The following MGAT4C variants were observed in gnomAD, a reference collection of about 807,000 sequenced individuals.
The protein encoded by MGAT4C is alpha-1,3-mannosyl-glycoprotein 4-beta-N-acetylglucosaminyltransferase C.
In MGAT4C, 19 loss-of-function variants were observed where a neutral mutation model predicts 40.1. That is an observed-to-expected ratio of 0.47 (90% CI 0.33 to 0.70). MGAT4C has a LOEUF of 0.70. MGAT4C is among the 30% of genes least tolerant of loss of function. The pLI is 0.02. For synonymous variants in MGAT4C, 181 were observed against 187.1 expected (o/e 0.97, Z 0.27); for missense variants, 491 against 563.2 (o/e 0.87, Z 1.30).
At chr12:86,041,783 A>C (rs939799010) in intron 2 of MGAT4C, among the ~76,000 whole-genome samples, 1 of 152,190 alleles carries the variant, frequency 6.6e-6, no homozygotes, top group Non-Finnish European at 1.5e-5. Context: ...CGTGAAAAGA[A>C]TGTATATTCT....
chr12:86,477,504 C>A (rs2136309572), intron 2 of MGAT4C, among the ~76,000 whole-genome samples: 1 of 152,068 alleles, frequency 6.6e-6, no homozygotes, highest in African/African-American at 2.4e-5. Flanking sequence ...ATGCAATACA[C>A]CCAGGTAACA....
chr12:85,976,178 T>C lies in MGAT4C; in HGVS notation c.*3111A>G, dbSNP rs1486795440. ...CAGAGAATACTGGCCCAGTAAGAAA[T>C]GGAATGTTCACAACTCATAGTGTAG... On this transcript the variant is annotated 3_prime_UTR_variant, in exon 5 of 5. Coordinates refer to ENST00000611864, the MANE Select transcript of MGAT4C (RefSeq NM_001351288.2). 1 of 150,958 alleles carries C rather than the reference T, an allele frequency of 6.6e-6. No homozygotes were observed. Among genetic ancestry groups the C allele is most frequent in the African/African-American group, 2.4e-5 (1 of 41,316 alleles). The allele number at this position is 150,958 out of a possible 1,614,324, so 9.4% of individuals were successfully genotyped here.
chr12:86,588,310 C>T (rs906578121), intron 2 of MGAT4C, among the ~76,000 whole-genome samples: 1 of 151,904 alleles, frequency 6.6e-6, no homozygotes, highest in Non-Finnish European at 1.5e-5. Flanking sequence ...CAAAGAAGGC[C>T]ATTACATAAT....
chr12:86,064,312 G>A (rs1894294475), intron 1 of MGAT4C, among the ~76,000 whole-genome samples: 1 of 152,074 alleles, frequency 6.6e-6, no homozygotes, highest in Admixed American at 6.6e-5. Context: ...CCTGGGAGGT[G>A]GAACTTGCAG....
rs534876265 is a variant in MGAT4C at position 86,040,739 on chromosome 12, A to AAAC, written c.-7+8934_-7+8935insGTT. Reference sequence around the variant, plus strand: ...AGAAAAAACAAACAAACAAACAAACAAAAAAAAAACTCCTGCAGCTAGCTC... The same window carrying AAAC: ...AGAAAAAACAAACAAACAAACAAACAAACAAAAAAAAACTCCTGCAGCTAGCTC... On this transcript the variant is annotated intron_variant, in intron 2 of 4. Coordinates refer to ENST00000611864, the MANE Select transcript of MGAT4C (RefSeq NM_001351288.2). Among the ~76,000 whole-genome samples, 408 of 49,486 alleles carry AAAC rather than the reference A, an allele frequency of 8.2e-3. 2 individuals carry two copies. Among genetic ancestry groups the AAAC allele is most frequent in the Middle Eastern group, 0.042 (3 of 72 alleles). 32.5% of individuals were successfully genotyped at this position (49,486 alleles called of 152,430 possible).
chr12:86,405,217 C>G (rs1399887246), intron 3 of MGAT4C, among the ~76,000 whole-genome samples: 1 of 151,976 alleles, frequency 6.6e-6, no homozygotes, highest in Non-Finnish European at 1.5e-5. Context: ...ACTGTTCCTA[C>G]TTGAAGATGG....
intron 2 of MGAT4C, among the ~76,000 whole-genome samples, chr12:86,711,589 T>G (rs1448267393): frequency 6.6e-6 from 1 of 152,164 alleles, no homozygotes; most frequent in Non-Finnish European, 1.5e-5. Context: ...GTAGTACAAC[T>G]TTTTTAGTTC....
At chr12:86,459,248 G>A (rs1008652199) in intron 2 of MGAT4C, among the ~76,000 whole-genome samples, 2 of 152,110 alleles carry the variant, frequency 1.3e-5, no homozygotes, top group African/African-American at 4.8e-5. Context: ...TGCTCCTGGT[G>A]TGACACACTG....
chr12:86,159,165 G>A (rs1885311074), intron 1 of MGAT4C, among the ~76,000 whole-genome samples: 1 of 152,024 alleles, frequency 6.6e-6, no homozygotes, highest in Non-Finnish European at 1.5e-5. Flanking sequence ...TGTAGTCCGT[G>A]GGTGTGTCAT....
chr12:86,328,030 CA>C (rs1363118453), intron 4 of MGAT4C, among the ~76,000 whole-genome samples: 1 of 152,072 alleles, frequency 6.6e-6, no homozygotes, highest in Non-Finnish European at 1.5e-5. Context: ...GAAATGAAAA[CA>C]AAACACTCTT....
At chr12:86,033,011 T>C (rs1388214770) in intron 2 of MGAT4C, among the ~76,000 whole-genome samples, 1 of 149,852 alleles carries the variant, frequency 6.7e-6, no homozygotes, top group Non-Finnish European at 1.5e-5. Context: ...GAACCATTTG[T>C]TGAATAGGGA....
chr12:86,788,146 C>T (rs927156875), intron 1 of MGAT4C, among the ~76,000 whole-genome samples: 3 of 150,902 alleles, frequency 2.0e-5, no homozygotes, highest in South Asian at 2.1e-4. Flanking sequence ...ATAACACCCA[C>T]ATATACATAT....
chr12:85,996,252 A>G lies in MGAT4C; in HGVS notation c.-6-6700T>C, dbSNP rs373886343. Among the ~76,000 whole-genome samples the G allele has an allele frequency of 1.6e-4, 25 of 152,328 alleles. 1 individual carries two copies. The East Asian group carries it at 2.7e-3, about 16-fold the overall frequency. ...TGTCCCATAGGCTCAAAATAGAAGA[A>G]CAATGATAATTTTAAGGAGAGAAAT... On this transcript the variant is annotated intron_variant, in intron 2 of 4. Coordinates refer to ENST00000611864, the MANE Select transcript of MGAT4C (RefSeq NM_001351288.2).
intron 1 of MGAT4C, among the ~76,000 whole-genome samples, chr12:86,202,042 C>A (rs1330023385): frequency 3.3e-5 from 5 of 151,882 alleles, no homozygotes; most frequent in African/African-American, 4.8e-5. Flanking sequence ...AAATATATTT[C>A]TCAGGATTTT....
intron 1 of MGAT4C, among the ~76,000 whole-genome samples, chr12:86,194,732 G>A (rs1330698176): frequency 6.6e-6 from 1 of 151,990 alleles, no homozygotes; most frequent in East Asian, 1.9e-4. Flanking sequence ...CCAAAGTGCT[G>A]GGATTACAGG....
At chr12:86,282,552 C>G (rs759314829) in intron 4 of MGAT4C, among the ~76,000 whole-genome samples, 2 of 151,772 alleles carry the variant, frequency 1.3e-5, no homozygotes, top group Non-Finnish European at 2.9e-5. Context: ...TCCTGGTATA[C>G]CAGTCATAGG....
At chr12:86,589,932 G>A (rs7299835) in intron 2 of MGAT4C, among the ~76,000 whole-genome samples, 127,494 of 151,864 alleles carry the variant, frequency 0.84, 54,063 homozygotes, top group East Asian at 0.96. Context: ...ATGCTTCTGC[G>A]TTTCATTATT....
At chr12:86,279,724 G>T (rs199690887) in intron 4 of MGAT4C, among the ~76,000 whole-genome samples, 1 of 148,982 alleles carries the variant, frequency 6.7e-6, no homozygotes, top group East Asian at 2.0e-4. Context: ...AATAAGAATT[G>T]TTGGGTTGTT....
At position 86,469,882 on chromosome 12, in the gene MGAT4C, C is replaced by G. The variant is rs1380752579; in HGVS notation, c.-228-34617G>C. Among the ~76,000 whole-genome samples the G allele has an allele frequency of 2.6e-5, 4 of 152,048 alleles. No individual in the cohort carries two copies. In the East Asian group the frequency reaches 7.7e-4, roughly 29 times the overall value. ...ATATTTGCATGAAGACCAAATCCTC[C>G]TATAGAAACTGTGGGAACTAAGAGT... is the stretch of plus-strand genomic sequence containing the variant. On this transcript the variant is annotated intron_variant, in intron 2 of 7. Transcript: ENST00000548651.
Sources: gnomAD v4.1 joint callset for allele counts (sites outside exome capture counted in the v4.1 genomes callset) on GRCh38, gnomAD v4.1.1 for gene constraint, MANE v1.5 for transcripts, NCBI Gene and HGNC (gene_info 2026-07-23, HGNC 2026-07-21) for gene names.